B3GLCT: variants seen among roughly 807,000 people sequenced by gnomAD.
B3GLCT encodes beta 3-glucosyltransferase, also known as beta-1,3-glucosyltransferase.
In B3GLCT, 65 loss-of-function variants were observed where a neutral mutation model predicts 63.4. That is an observed-to-expected ratio of 1.03 (90% CI 0.84 to 1.26). The LOEUF is 1.26. B3GLCT is among the 50% of genes most tolerant of loss of function. The probability of loss-of-function intolerance (pLI) is 0.00; values close to 1 mark genes in which losing one functional copy is unlikely to be tolerated. For synonymous variants in B3GLCT, 233 were observed against 219.2 expected, an observed-to-expected ratio of 1.06 and a Z score of -0.55; for missense variants, 577 against 604.8, an observed-to-expected ratio of 0.95 and a Z score of 0.48.
At chr13:31,267,789 A>G (rs1835892142) in intron 7 of B3GLCT, among the ~76,000 whole-genome samples, 1 of 152,186 alleles carries the variant, frequency 6.6e-6, no homozygotes, top group African/African-American at 2.4e-5. Flanking sequence ...AATTAAAAAC[A>G]GTAGAAAAAA....
intron 1 of B3GLCT, among the ~76,000 whole-genome samples, chr13:31,201,343 T>C (rs1175556325): frequency 6.6e-6 from 1 of 152,204 alleles, no homozygotes; most frequent in Non-Finnish European, 1.5e-5. Context: ...TCAGTAAGTG[T>C]GGGAAAAGAG....
intron 1 of B3GLCT, among the ~76,000 whole-genome samples, chr13:31,206,264 G>C (rs925062354): frequency 5.3e-5 from 8 of 152,158 alleles, no homozygotes; most frequent in Admixed American, 5.2e-4. Context: ...AAAGAAGCCT[G>C]TATTTGTTAA....
chr13:31,287,516 CTG>C (rs1253497611), intron 12 of B3GLCT, among the ~76,000 whole-genome samples: 2 of 152,142 alleles, frequency 1.3e-5, no homozygotes, highest in African/African-American at 4.8e-5. Context: ...GAAAATGAAA[CTG>C]TTTCCAAGTA....
chr13:31,294,009 CA>C (rs1256173126), intron 12 of B3GLCT, among the ~76,000 whole-genome samples: 1 of 152,134 alleles, frequency 6.6e-6, no homozygotes, highest in Non-Finnish European at 1.5e-5. Flanking sequence ...CTTGTGGTGG[CA>C]AAATCTCTCA....
intron 12 of B3GLCT, among the ~76,000 whole-genome samples, chr13:31,317,181 G>A (rs907782710): frequency 6.6e-6 from 1 of 152,162 alleles, no homozygotes; most frequent in African/African-American, 2.4e-5. Flanking sequence ...GAAAAGATGT[G>A]AGGATTAGTT....
chr13:31,215,704 G>A (rs890682060), intron 2 of B3GLCT, among the ~76,000 whole-genome samples: 3 of 152,024 alleles, frequency 2.0e-5, no homozygotes, highest in Non-Finnish European at 2.9e-5. Context: ...ATGAGCCACC[G>A]CACCCGGCCC....
intron 12 of B3GLCT, among the ~76,000 whole-genome samples, chr13:31,288,425 A>AC (rs2137884010): frequency 6.6e-6 from 1 of 152,244 alleles, no homozygotes; most frequent in Non-Finnish European, 1.5e-5. Context: ...CAAGCAGTTC[A>AC]CCTGCAGGCC....
chr13:31,295,004 G>GT (rs1302473814), intron 12 of B3GLCT, among the ~76,000 whole-genome samples: 2 of 75,834 alleles, frequency 2.6e-5, no homozygotes, highest in Non-Finnish European at 3.4e-5. Flanking sequence ...TTGTGTGGAC[G>GT]TCCTTTTTTT....
chr13:31,227,369 T>C (rs1211769060), intron 3 of B3GLCT, among the ~76,000 whole-genome samples: 1 of 152,220 alleles, frequency 6.6e-6, no homozygotes, highest in East Asian at 1.9e-4. Context: ...TACTCCATTC[T>C]TAACAAAAAG....
Position 31,286,406 on chromosome 13 carries a change from T to C in B3GLCT, c.965-314T>C, listed in dbSNP as rs1413356265. On this transcript the variant is annotated intron_variant, in intron 11 of 14. Coordinates refer to ENST00000343307, the MANE Select transcript of B3GLCT (RefSeq NM_194318.4). ...CTCATTGCTGTGAGTCTTAAAACTT[T>C]CTTGCCTGGACTGAAGTTACTAATT... Among the ~76,000 whole-genome samples the C allele has an allele frequency of 2.6e-5, 4 of 152,228 alleles. No homozygotes were observed. The East Asian group carries it at 7.7e-4, about 29-fold the overall frequency.
chr13:31,204,058 C>T (rs893919133), intron 1 of B3GLCT, among the ~76,000 whole-genome samples: 23 of 152,226 alleles, frequency 1.5e-4, no homozygotes, highest in African/African-American at 4.8e-4. Context: ...GCTTGCAGCC[C>T]GAAAGGCAAG....
chr13:31,288,315 C>T (rs927456779), intron 12 of B3GLCT, among the ~76,000 whole-genome samples: 1 of 152,148 alleles, frequency 6.6e-6, no homozygotes, highest in Non-Finnish European at 1.5e-5. Flanking sequence ...GTGGGTTGCT[C>T]CACCACCACT....
chr13:31,200,566 C>A (rs1868601371), intron 1 of B3GLCT, among the ~76,000 whole-genome samples: 1 of 151,048 alleles, frequency 6.6e-6, no homozygotes, highest in African/African-American at 2.4e-5. Context: ...GGTCCCGCCC[C>A]CCTGCCTTCC....
intron 6 of B3GLCT, among the ~76,000 whole-genome samples, chr13:31,259,326 A>C (rs1179042437): frequency 6.6e-6 from 1 of 152,040 alleles, no homozygotes; most frequent in Non-Finnish European, 1.5e-5. Context: ...TATGTGAAAA[A>C]TTAAGAAGGC....
chr13:31,238,904 G>A (rs1593265473), intron 4 of B3GLCT, among the ~76,000 whole-genome samples: 1 of 152,206 alleles, frequency 6.6e-6, no homozygotes, highest in Non-Finnish European at 1.5e-5. Flanking sequence ...CGTGTTTGAA[G>A]CTGTGTAGCA....
At chr13:31,218,816 A>G (rs1044487250) in intron 2 of B3GLCT, among the ~76,000 whole-genome samples, 2 of 151,986 alleles carry the variant, frequency 1.3e-5, no homozygotes, top group Non-Finnish European at 2.9e-5. Context: ...ATTCCGTATG[A>G]TGTTAGCTAT....
Position 31,329,841 on chromosome 13 carries a change from C to A in B3GLCT, c.*173C>A. ...TTTGACAGAGGAAGAAAAGGGGTCA[C>A]AGGAGAAACATTTTTTTTTCTGGGA... On this transcript the variant is annotated 3_prime_UTR_variant, in exon 15 of 15. Transcript: ENST00000343307. The A allele has an allele frequency of 2.9e-6, 2 of 691,306 alleles. No individual in the cohort carries two copies. The highest frequency in any genetic ancestry group is 4.9e-6 in the Non-Finnish European group (2 of 412,016). The allele number at this position is 691,306 out of a possible 1,614,324, so 42.8% of individuals were successfully genotyped here.
intron 12 of B3GLCT, among the ~76,000 whole-genome samples, chr13:31,296,895 C>G (rs372661290): frequency 1.6e-4 from 24 of 152,010 alleles, no homozygotes; most frequent in African/African-American, 4.1e-4. Flanking sequence ...AAAACTGAAC[C>G]TCTATATCCA....
In B3GLCT at chr13:31,279,565, G is replaced by T. The variant is rs750234434; in HGVS notation, c.850+2794G>T. On this transcript the variant is annotated intron_variant, in intron 10 of 14. Transcript: ENST00000343307. ...GTACGAATAGGGTGTGGGTCACAGA[G>T]ATCACTTGCTTCACAAGGTAATAAA... 1.7e-4 allele frequency among the ~76,000 whole-genome samples: 26 copies of T among 152,164 alleles called. 1 individual carries two copies. Among genetic ancestry groups the T allele is most frequent in the Non-Finnish European group, 2.6e-4 (18 of 68,032 alleles).
Sources: allele counts gnomAD v4.1 joint callset (sites outside exome capture counted in the v4.1 genomes callset), GRCh38; gene constraint gnomAD v4.1.1; transcripts MANE v1.5; gene names NCBI Gene and HGNC (gene_info 2026-07-23, HGNC 2026-07-21).